Variants in ABCC9 observed in about 807,000 individuals in gnomAD.
ABCC9 encodes the protein ATP-binding cassette sub-family C member 9.
ABCC9 carries 95 observed loss-of-function variants against 188.3 expected under a neutral mutation model. The observed-to-expected ratio is 0.50, with a 90% confidence interval of 0.43 to 0.60. The LOEUF is 0.60. Ranked by LOEUF, ABCC9 falls within the 20% of genes least tolerant of loss-of-function variation. The pLI, the probability that ABCC9 is intolerant of heterozygous loss-of-function variation, is 0.00. For synonymous variants in ABCC9, 659 were observed against 652.7 expected (o/e 1.01, Z -0.15); for missense variants, 1,102 against 1,876.3 (o/e 0.59, Z 7.62).
At chr12:21,855,705 G>A (rs1592079607) in intron 22 of ABCC9, among the ~76,000 whole-genome samples, 2 of 152,154 alleles carry the variant, frequency 1.3e-5, no homozygotes, top group Non-Finnish European at 2.9e-5. Context: ...TTGGATTGCT[G>A]CAAAGATGCA....
intron 18 of ABCC9, among the ~76,000 whole-genome samples, chr12:21,869,310 T>C (rs923652400): frequency 6.6e-6 from 1 of 152,198 alleles, no homozygotes; most frequent in Admixed American, 6.5e-5. Context: ...TTCACTTTGG[T>C]TCATTCCACA....
chr12:21,801,819 C>T (rs1941450533), intron 39 of ABCC9, among the ~76,000 whole-genome samples: 1 of 152,160 alleles, frequency 6.6e-6, no homozygotes, highest in African/African-American at 2.4e-5. Flanking sequence ...ATTAAGTTCT[C>T]CACACACATT....
At chr12:21,936,857 T>C (rs1949509257) in intron 2 of ABCC9, among the ~76,000 whole-genome samples, 163 bp from the exon 3 acceptor site, 1 of 152,174 alleles carries the variant, frequency 6.6e-6, no homozygotes, top group South Asian at 2.1e-4. Context: ...TGAAGCTTTC[T>C]TATAAAATAC....
chr12:21,882,232 A>T (rs1443589260), intron 16 of ABCC9, among the ~76,000 whole-genome samples: 1 of 152,030 alleles, frequency 6.6e-6, no homozygotes, highest in Non-Finnish European at 1.5e-5. Flanking sequence ...ATTCCTGCAC[A>T]ACACTGATTA....
At chr12:21,936,353 A>G (rs888093574) in intron 3 of ABCC9, among the ~76,000 whole-genome samples, 180 bp downstream of exon 3, 2 of 152,064 alleles carry the variant, frequency 1.3e-5, no homozygotes, top group African/African-American at 4.8e-5. Flanking sequence ...CCTCAATTTC[A>G]CCTACGGAAG....
rs145842186 is a variant in ABCC9, at chr12:21,848,496, A to G, written c.2770-250T>C. On this transcript the variant is annotated intron_variant, in intron 24 of 39. Coordinates refer to ENST00000261200, the MANE Select transcript of ABCC9 (RefSeq NM_020297.4). ...CCAGGAAAAGCAAGAATGAGATGCA[A>G]CTGACTCCAGAAGCAGGGTGATATC... Among the ~76,000 whole-genome samples the G allele has an allele frequency of 9.2e-4, 140 of 152,256 alleles. 1 individual carries two copies. Among genetic ancestry groups the G allele is most frequent in the Non-Finnish European group, 8.1e-4 (55 of 68,016 alleles).
chr12:21,870,046 A>G (rs1565761522), intron 18 of ABCC9, among the ~76,000 whole-genome samples: 1 of 152,114 alleles, frequency 6.6e-6, no homozygotes, highest in African/African-American at 2.4e-5. Context: ...GATACTACCC[A>G]TACCACATCC....
intron 12 of ABCC9, among the ~76,000 whole-genome samples, chr12:21,899,230 C>T (rs1592179955): frequency 6.6e-6 from 1 of 152,306 alleles, no homozygotes; most frequent in East Asian, 1.9e-4. Flanking sequence ...TCATCTGAAT[C>T]ATCTATTTAG....
chr12:21,827,371 C>T, intron 31 of ABCC9: 1 of 940,306 alleles, frequency 1.1e-6, no homozygotes, highest in Non-Finnish European at 1.3e-6. Context: ...GGCAAATATG[C>T]TTGCCCCTAA....
intron 8 of ABCC9, among the ~76,000 whole-genome samples, chr12:21,911,366 G>C (rs755312396): frequency 1.7e-4 from 26 of 151,966 alleles, no homozygotes; most frequent in Admixed American, 8.5e-4. Flanking sequence ...AATTTTGGTA[G>C]CCTTATTAGT....
chr12:21,933,229 T>C (rs896657632), intron 4 of ABCC9, among the ~76,000 whole-genome samples: 1 of 151,404 alleles, frequency 6.6e-6, no homozygotes, highest in African/African-American at 2.4e-5. Context: ...TTTCAGAGGG[T>C]GGAGGGTAGG....
intron 12 of ABCC9, among the ~76,000 whole-genome samples, chr12:21,904,558 C>T (rs907847653): frequency 6.6e-6 from 1 of 152,102 alleles, no homozygotes; most frequent in Admixed American, 6.6e-5. Context: ...CCAGAATCTA[C>T]AAAGAACTCA....
At chr12:21,871,659 A>G (rs928018127) in intron 18 of ABCC9, among the ~76,000 whole-genome samples, 1 of 152,168 alleles carries the variant, frequency 6.6e-6, no homozygotes, top group Non-Finnish European at 1.5e-5. Flanking sequence ...GGGTTTCCCA[A>G]CCTCAGCACA....
In ABCC9 at chr12:21,798,944, G is replaced by A. The variant is rs957194405; in HGVS notation, c.*2100C>T. On this transcript the variant is annotated 3_prime_UTR_variant, in exon 40 of 40. Transcript: ENST00000261200. ...ACAAAATGATGAGTTCATGTCCTTT[G>A]TAGGGACATGGATGAAACTGGAAAC... 4.0e-5 allele frequency: 6 copies of A among 150,144 alleles called. No homozygotes were observed. The highest frequency in any genetic ancestry group is 3.4e-4 in the Admixed American group (5 of 14,916). The allele number at this position is 150,144 out of a possible 1,614,324, so 9.3% of individuals were successfully genotyped here. A position where few individuals can be genotyped will look rare whatever the true frequency, so the allele number is the denominator to read the frequency against.
At chr12:21,864,019 C>T (rs914984908) in intron 19 of ABCC9, among the ~76,000 whole-genome samples, 5 of 151,946 alleles carry the variant, frequency 3.3e-5, no homozygotes, top group Admixed American at 6.6e-5. Flanking sequence ...CCCCACTCAG[C>T]TCTTTAAGGT....
chr12:21,815,648 A>T (rs1942562175), intron 34 of ABCC9, 115 bp downstream of exon 34: 4 of 1,301,052 alleles, frequency 3.1e-6, no homozygotes, highest in Non-Finnish European at 4.4e-6. Context: ...TTTGACCTAC[A>T]TCAGGTAGGG....
chr12:21,929,398 A>C (rs1338836038), intron 4 of ABCC9, among the ~76,000 whole-genome samples: 1 of 152,116 alleles, frequency 6.6e-6, no homozygotes, highest in African/African-American at 2.4e-5. Flanking sequence ...AGAAATAAAA[A>C]GGAGAACAAA....
At chr12:21,826,944 A>G (rs1199281266) in intron 31 of ABCC9, among the ~76,000 whole-genome samples, 1 of 152,188 alleles carries the variant, frequency 6.6e-6, no homozygotes, top group Non-Finnish European at 1.5e-5. Flanking sequence ...GGATTCTAAT[A>G]CACAGAAAGC....
intron 35 of ABCC9, among the ~76,000 whole-genome samples, 172 bp downstream of exon 35, chr12:21,814,472 A>G (rs1942467386): frequency 6.6e-6 from 1 of 152,120 alleles, no homozygotes; most frequent in Non-Finnish European, 1.5e-5. Flanking sequence ...CCCCAATTCT[A>G]TGTCTTTTAT....
Sources: gnomAD v4.1 joint callset for allele counts (sites outside exome capture counted in the v4.1 genomes callset) on GRCh38, gnomAD v4.1.1 for gene constraint, MANE v1.5 for transcripts, NCBI Gene and HGNC (gene_info 2026-07-23, HGNC 2026-07-21) for gene names.